The following ITPK1 variants were observed in gnomAD, a reference collection of about 807,000 sequenced individuals.
The protein encoded by ITPK1 is inositol-tetrakisphosphate 1-kinase.
Under a neutral mutation model 45.3 loss-of-function variants are expected in ITPK1, and 21 were observed. That is an observed-to-expected ratio of 0.46 (90% CI 0.33 to 0.67). ITPK1 has a LOEUF of 0.67. Among genes scored for constraint, ITPK1 ranks in the 30% least tolerant of loss-of-function variants. The pLI, the probability that ITPK1 is intolerant of heterozygous loss-of-function variation, is 0.02. For synonymous variants in ITPK1, 258 were observed against 253.6 expected (o/e 1.02, Z -0.16); for missense variants, 474 against 573.5 (o/e 0.83, Z 1.77).
chr14:93,037,155 C>T (rs1383692541), intron 3 of ITPK1, among the ~76,000 whole-genome samples: 1 of 152,172 alleles, frequency 6.6e-6, no homozygotes, highest in African/African-American at 2.4e-5. Context: ...ACAGGAAGCC[C>T]CGGAACCACA....
At chr14:92,947,079 C>T (rs1449689025) in intron 9 of ITPK1, among the ~76,000 whole-genome samples, 2 of 152,208 alleles carry the variant, frequency 1.3e-5, no homozygotes, top group Admixed American at 6.5e-5. Context: ...GAGCCGGGCA[C>T]AAGTGAGGAG....
intron 4 of ITPK1, among the ~76,000 whole-genome samples, chr14:93,015,803 G>A (rs1888146375): frequency 6.6e-6 from 1 of 152,214 alleles, no homozygotes; most frequent in Admixed American, 6.5e-5. Context: ...CGAACACACG[G>A]GGAGAGAACA....
intron 5 of ITPK1, among the ~76,000 whole-genome samples, chr14:92,970,030 A>T (rs1173569836): frequency 6.6e-6 from 1 of 152,146 alleles, no homozygotes; most frequent in African/African-American, 2.4e-5. Context: ...AGCCAGAAAA[A>T]GGCTGGCCTC....
intron 3 of ITPK1, among the ~76,000 whole-genome samples, chr14:93,062,215 G>A (rs765172963): frequency 1.3e-5 from 2 of 152,080 alleles, no homozygotes; most frequent in African/African-American, 2.4e-5. Context: ...AGGTTGCAGC[G>A]AGCCAAGATC....
At chr14:92,947,636 C>T (rs927908772) in intron 9 of ITPK1, among the ~76,000 whole-genome samples, 32 of 152,312 alleles carry the variant, frequency 2.1e-4, no homozygotes, top group Admixed American at 1.9e-3. Context: ...AGCATGTGCC[C>T]GGCTGGGAGG....
chr14:93,087,225 G>A (rs2140000002), intron 2 of ITPK1, among the ~76,000 whole-genome samples: 1 of 152,280 alleles, frequency 6.6e-6, no homozygotes. Flanking sequence ...ACATTCCTTG[G>A]CTTGTGGCCA....
At position 92,940,338 on chromosome 14, in the gene ITPK1, C is replaced by G; in HGVS notation, c.*1223G>C. The G allele has an allele frequency of 1.0e-6, 1 of 1,002,224 alleles. No homozygotes were observed. The highest frequency in any genetic ancestry group is 1.2e-6 in the Non-Finnish European group (1 of 839,734). 62.1% of individuals were successfully genotyped at this position (1,002,224 alleles called of 1,614,324 possible). A position where few individuals can be genotyped will look rare whatever the true frequency, so the allele number is the denominator to read the frequency against. ...ATCTTCCAGGACTGCAGAGGCTTCT[C>G]CCCAACCCTTTTCTCTGCAGAGGGG... On this transcript the variant is annotated 3_prime_UTR_variant, in exon 11 of 11. Coordinates refer to ENST00000267615, the MANE Select transcript of ITPK1 (RefSeq NM_014216.6).
rs941980770 is a variant in ITPK1, at chr14:92,940,177, G to A, written c.*1384C>T. The A allele has an allele frequency of 1.4e-5, 14 of 985,670 alleles. No individual in the cohort carries two copies. Among genetic ancestry groups the A allele is most frequent in the Non-Finnish European group, 1.7e-5 (14 of 830,142 alleles). The allele number at this position is 985,670 out of a possible 1,614,324, so 61.1% of individuals were successfully genotyped here. ...TCGGGGGCCTCTCTCGGGACACTCA[G>A]CACTTTCTCTAGCGTCCTCCATCTC... On this transcript the variant is annotated 3_prime_UTR_variant, in exon 11 of 11. Transcript: ENST00000267615.
At chr14:92,973,195 T>C (rs1595100194) in intron 5 of ITPK1, among the ~76,000 whole-genome samples, 2 of 152,252 alleles carry the variant, frequency 1.3e-5, no homozygotes, top group African/African-American at 4.8e-5. Flanking sequence ...TTTTCATATA[T>C]GGGTTCTGAT....
intron 5 of ITPK1, among the ~76,000 whole-genome samples, chr14:92,983,191 G>A (rs373086834): frequency 3.9e-5 from 6 of 152,286 alleles, no homozygotes; most frequent in Non-Finnish European, 7.4e-5. Context: ...TGAGTCTGGC[G>A]GCAGTAGCTG....
chr14:93,097,397 C>A (rs1300127640), intron 2 of ITPK1, among the ~76,000 whole-genome samples: 1 of 152,156 alleles, frequency 6.6e-6, no homozygotes, highest in East Asian at 1.9e-4. Context: ...CTGAGGAAAG[C>A]CAAGAAGGAG....
chr14:93,097,269 C>T (rs1028294559), intron 2 of ITPK1, among the ~76,000 whole-genome samples: 11 of 152,192 alleles, frequency 7.2e-5, no homozygotes, highest in Admixed American at 5.9e-4. Flanking sequence ...TATTTTCTTA[C>T]CCCTTGAATG....
At chr14:93,026,457 G>A (rs1460971611) in intron 3 of ITPK1, among the ~76,000 whole-genome samples, 1 of 152,204 alleles carries the variant, frequency 6.6e-6, no homozygotes, top group African/African-American at 2.4e-5. Flanking sequence ...TGATAACCAT[G>A]TTTTATGTAC....
At chr14:93,020,177 G>A (rs966906806) in intron 3 of ITPK1, among the ~76,000 whole-genome samples, 3 of 152,210 alleles carry the variant, frequency 2.0e-5, no homozygotes, top group African/African-American at 7.2e-5. Flanking sequence ...AGAGGTGGGG[G>A]CAGGGCTGGG....
chr14:93,093,907 G>A (rs1891963143), intron 2 of ITPK1, among the ~76,000 whole-genome samples: 2 of 152,336 alleles, frequency 1.3e-5, no homozygotes, highest in South Asian at 4.1e-4. Flanking sequence ...CAAAGCCCAA[G>A]CGTGTACAAT....
intron 3 of ITPK1, among the ~76,000 whole-genome samples, chr14:93,029,623 C>G (rs1566744416): frequency 6.6e-6 from 1 of 152,140 alleles, no homozygotes; most frequent in African/African-American, 2.4e-5. Context: ...CGGCAGGCCA[C>G]AATCTTTGAG....
At chr14:93,007,024 G>T (rs1035512942) in intron 4 of ITPK1, among the ~76,000 whole-genome samples, 1 of 152,222 alleles carries the variant, frequency 6.6e-6, no homozygotes, top group Non-Finnish European at 1.5e-5. Flanking sequence ...ACCAGGGAAG[G>T]ATCCCGCAGG....
chr14:93,010,223 T>A (rs1887824282), intron 4 of ITPK1, among the ~76,000 whole-genome samples: 2 of 152,224 alleles, frequency 1.3e-5, no homozygotes, highest in African/African-American at 4.8e-5. Context: ...TTATTTATCC[T>A]CTGATAGGTT....
At chr14:93,051,407 GGAGTTTGA>G (rs1339157577) in intron 3 of ITPK1, among the ~76,000 whole-genome samples, 2 of 152,314 alleles carry the variant, frequency 1.3e-5, no homozygotes, top group East Asian at 3.9e-4. Flanking sequence ...CTTGAACTCA[GGAGTTTGA>G]GACCAGCCTG....
Sources: gnomAD v4.1 joint callset for allele counts (sites outside exome capture counted in the v4.1 genomes callset) on GRCh38, gnomAD v4.1.1 for gene constraint, MANE v1.5 for transcripts, NCBI Gene and HGNC (gene_info 2026-07-23, HGNC 2026-07-21) for gene names.